The following NCOR2 variants were observed in gnomAD, a reference collection of about 807,000 sequenced individuals.
NCOR2 encodes CTG repeat protein 26.
In NCOR2, 81 loss-of-function variants were observed where a neutral mutation model predicts 262.9. That is an observed-to-expected ratio of 0.31 (90% confidence interval 0.26 to 0.37). The LOEUF is 0.37. Ranked by LOEUF, NCOR2 falls within the 10% of genes least tolerant of loss-of-function variation. The pLI is 1.00. For missense variants in NCOR2, 3,385 were observed against 3,621.4 expected (o/e 0.93, Z 1.68); for synonymous variants, 1,659 against 1,559.3 (o/e 1.06, Z -1.51).
At chr12:124,468,822 T>C (rs1264132999) in intron 4 of NCOR2, among the ~76,000 whole-genome samples, 3 of 27,090 alleles carry the variant, frequency 1.1e-4, no homozygotes, top group Non-Finnish European at 7.3e-5. Context: ...ACCCCCATCA[T>C]CCTCATCCTC....
chr12:124,543,542 C>G (rs1022763156), intron 1 of NCOR2, among the ~76,000 whole-genome samples: 1 of 152,218 alleles, frequency 6.6e-6, no homozygotes, highest in African/African-American at 2.4e-5. Flanking sequence ...TTCTCCACCC[C>G]GACAGCGCCG....
rs1034361047 is a variant in NCOR2 at position 124,504,995 on chromosome 12, T to C, written c.-117-9627A>G. Among the ~76,000 whole-genome samples, 7 of 152,226 alleles carry C rather than the reference T, an allele frequency of 4.6e-5. No individual in the cohort carries two copies. Among genetic ancestry groups the C allele is most frequent in the South Asian group, 4.1e-4 (2 of 4,836 alleles). The stretch of plus-strand genomic sequence containing the variant: ...CGTGAATGTCCTAAATGCAAACTAA[T>C]TGTTCACTTTAGTATAGCCAAAATG... On this transcript the variant is annotated intron_variant, in intron 1 of 46. Transcript: ENST00000404621. This position sits in a 1 kb window ranked among gnomAD's most constrained non-coding sequence, Gnocchi z 4.5.
In NCOR2 at chr12:124,429,707, C is replaced by T; in HGVS notation, c.1056-1G>A. On this transcript the variant is annotated splice_acceptor_variant, in intron 9 of 46. Coordinates refer to ENST00000405201, the Ensembl canonical transcript of NCOR2. LOFTEE classifies it high-confidence loss of function. The stretch of plus-strand genomic sequence containing the variant: ...CCCACTGCCCCGCTGGCCCACCCTG[C>T]TGGGGACCAAGGGGACACACTCAGG... 2 of 1,599,028 alleles carry T rather than the reference C, an allele frequency of 1.3e-6. No homozygotes were observed. The highest frequency in any genetic ancestry group is 2.3e-5 in the East Asian group (1 of 44,308).
chr12:124,352,279 T>G (rs555897455), intron 27 of NCOR2, among the ~76,000 whole-genome samples: 1 of 152,162 alleles, frequency 6.6e-6, no homozygotes, highest in Admixed American at 6.5e-5. Flanking sequence ...AGATGGTCCA[T>G]GTCAGAACTG....
chr12:124,512,036 C>T (rs1241039673), intron 1 of NCOR2, among the ~76,000 whole-genome samples: 1 of 152,202 alleles, frequency 6.6e-6, no homozygotes, highest in Non-Finnish European at 1.5e-5. Context: ...ATCCTCCTGC[C>T]TCAGCGTGGG....
chr12:124,334,897 A>G, intron 40 of NCOR2: 1 of 641,064 alleles, frequency 1.6e-6, no homozygotes, highest in Non-Finnish European at 2.7e-6. Flanking sequence ...ATTGCCCGTG[A>G]AGATGCCATC....
At chr12:124,547,732 C>T (rs1355869919) in intron 1 of NCOR2, among the ~76,000 whole-genome samples, 1 of 152,124 alleles carries the variant, frequency 6.6e-6, no homozygotes, top group Non-Finnish European at 1.5e-5. Flanking sequence ...TTTGCCTGTT[C>T]TGGGCATTTC....
chr12:124,545,002 T>A (rs2051495798), intron 1 of NCOR2, among the ~76,000 whole-genome samples: 1 of 152,118 alleles, frequency 6.6e-6, no homozygotes. Flanking sequence ...TCTCGGAACC[T>A]CAGTGTGCCC....
intron 6 of NCOR2, among the ~76,000 whole-genome samples, chr12:124,455,528 G>A (rs2045798095): frequency 6.6e-6 from 1 of 152,232 alleles, no homozygotes; most frequent in Non-Finnish European, 1.5e-5. Context: ...GTGGGCCTGG[G>A]AGCCCGGGGC....
At chr12:124,355,464 C>T (rs190767010) in exon 24 of NCOR2, 7 of 1,613,168 alleles carry the variant, frequency 4.3e-6, no homozygotes, top group East Asian at 4.5e-5. Context: ...CTCTCGAGGA[C>T]GCTGGGGTGC....
intron 22 of NCOR2, among the ~76,000 whole-genome samples, chr12:124,360,422 C>T (rs2038463679): frequency 6.6e-6 from 1 of 152,244 alleles, no homozygotes; most frequent in Admixed American, 6.5e-5. Context: ...CAGGCAGCCT[C>T]TGTCGCCTGC....
chr12:124,399,984 G>C (rs1040865177), intron 15 of NCOR2, among the ~76,000 whole-genome samples: 2 of 152,104 alleles, frequency 1.3e-5, no homozygotes, highest in African/African-American at 4.8e-5. Context: ...GTAGAGGCTG[G>C]GTGGGGACAA....
At chr12:124,331,244 G>T (rs1026097991) in intron 43 of NCOR2, among the ~76,000 whole-genome samples, 7 of 151,900 alleles carry the variant, frequency 4.6e-5, no homozygotes, top group African/African-American at 1.7e-4. Context: ...TGTATTTTTA[G>T]TAGAGACGGG....
chr12:124,343,866 G>C (rs997692549), intron 32 of NCOR2, among the ~76,000 whole-genome samples: 2 of 152,176 alleles, frequency 1.3e-5, no homozygotes, highest in African/African-American at 4.8e-5. Context: ...GACCTCAGGT[G>C]ATCTGCCTGC....
chr12:124,494,495 G>A (rs1374690951), intron 1 of NCOR2, among the ~76,000 whole-genome samples: 1 of 152,220 alleles, frequency 6.6e-6, no homozygotes, highest in Non-Finnish European at 1.5e-5. Context: ...TGGGAAGTGG[G>A]GTGGGGTGGG....
exon 40 of NCOR2, chr12:124,335,235 C>T (rs905062432): frequency 4.3e-6 from 7 of 1,609,728 alleles, no homozygotes; most frequent in African/African-American, 2.7e-5. Flanking sequence ...AGGCAGCGGC[C>T]GCAGGTGTGG....
At chr12:124,479,572 C>T (rs116718548) in intron 3 of NCOR2, among the ~76,000 whole-genome samples, 5 of 152,156 alleles carry the variant, frequency 3.3e-5, no homozygotes, top group African/African-American at 1.2e-4. Flanking sequence ...CACACACGCA[C>T]GCGCGCGCGC....
chr12:124,499,532 G>A (rs11838165), upstream of NCOR2, among the ~76,000 whole-genome samples: 3,070 of 152,356 alleles, frequency 0.02, 105 homozygotes, highest in African/African-American at 0.07. Flanking sequence ...AGCTGGAGGC[G>A]CCGCTGAGCA....
At chr12:124,359,134 C>T (rs989456253) in intron 22 of NCOR2, among the ~76,000 whole-genome samples, 1 of 152,228 alleles carries the variant, frequency 6.6e-6, no homozygotes, top group Non-Finnish European at 1.5e-5. Context: ...CATCTTCCTG[C>T]TGGCCTCTCG....
Sources: gnomAD v4.1 joint callset for allele counts (sites outside exome capture counted in the v4.1 genomes callset) on GRCh38, gnomAD v4.1.1 for gene constraint, Gnocchi (gnomAD v3.1) non-coding constraint, MANE v1.5 for transcripts, NCBI Gene and HGNC (gene_info 2026-07-23, HGNC 2026-07-21) for gene names.